PHLDB2: variants seen among roughly 807,000 people sequenced by gnomAD.
PHLDB2 encodes pleckstrin homology like domain family B member 2, also known as pleckstrin homology-like domain family B member 2.
Under a neutral mutation model 123.6 loss-of-function variants are expected in PHLDB2, and 71 were observed. That is an observed-to-expected ratio of 0.57 (90% confidence interval 0.47 to 0.70). The LOEUF is 0.70. Among genes scored for constraint, PHLDB2 ranks in the 30% least tolerant of loss-of-function variants. The pLI, the probability that PHLDB2 is intolerant of heterozygous loss-of-function variation, is 0.00. For synonymous variants in PHLDB2, 547 were observed against 541.6 expected (o/e 1.01, Z -0.14); for missense variants, 1,446 against 1,519.5 (o/e 0.95, Z 0.80).
chr3:111,850,962 G>A (rs113753105), intron 2 of PHLDB2, among the ~76,000 whole-genome samples: 5,963 of 151,964 alleles, frequency 0.039, 340 homozygotes, highest in East Asian at 0.23. Flanking sequence ...TTGGGAGGCC[G>A]AGTCAGGCAG....
In PHLDB2 at chr3:111,965,100, A is replaced by G. The variant is rs188155828; in HGVS notation, c.3078-1513A>G. On this transcript the variant is annotated intron_variant, in intron 13 of 17. Transcript: ENST00000431670. Reference sequence around the variant, plus strand: ...AGTCAGGTATTCACAATGAAGGAGAATAAGAATTCCTGTACAAAAATTAAA... The same window carrying G: ...AGTCAGGTATTCACAATGAAGGAGAGTAAGAATTCCTGTACAAAAATTAAA... Among the ~76,000 whole-genome samples, 621 of 152,302 alleles carry G rather than the reference A, an allele frequency of 4.1e-3. 11 individuals carry two copies. Among genetic ancestry groups the G allele is most frequent in the Non-Finnish European group, 7.1e-3 (480 of 68,012 alleles).
chr3:111,921,327 A>C (rs2107532283), intron 5 of PHLDB2, among the ~76,000 whole-genome samples: 1 of 152,300 alleles, frequency 6.6e-6, no homozygotes, highest in African/African-American at 2.4e-5. Context: ...TTCTCCACTA[A>C]GCTGAGAAAA....
chr3:111,763,297 A>G (rs2060026057), intron 1 of PHLDB2, among the ~76,000 whole-genome samples: 1 of 152,226 alleles, frequency 6.6e-6, no homozygotes, highest in African/African-American at 2.4e-5. Flanking sequence ...TTACTCTAAC[A>G]TAATAGCGAA....
intron 1 of PHLDB2, among the ~76,000 whole-genome samples, chr3:111,834,582 T>C (rs1015519986): frequency 6.6e-5 from 10 of 151,794 alleles, no homozygotes; most frequent in African/African-American, 2.2e-4. Flanking sequence ...CAAACAAGGA[T>C]GCAGTAAATA....
intron 2 of PHLDB2, among the ~76,000 whole-genome samples, chr3:111,912,807 G>T (rs1310401668): frequency 6.6e-6 from 1 of 152,194 alleles, no homozygotes; most frequent in African/African-American, 2.4e-5. Flanking sequence ...GGATAGATAG[G>T]AAATGGAGGT....
At chr3:111,945,975 T>C (rs529787633) in intron 9 of PHLDB2, among the ~76,000 whole-genome samples, 23 of 152,134 alleles carry the variant, frequency 1.5e-4, no homozygotes, top group African/African-American at 5.5e-4. Context: ...ACTGCCACAC[T>C]GGGAGAATAT....
intron 1 of PHLDB2, among the ~76,000 whole-genome samples, chr3:111,797,302 A>C (rs1266357768): frequency 6.6e-6 from 1 of 152,246 alleles, no homozygotes; most frequent in African/African-American, 2.4e-5. Context: ...TAACAAATGA[A>C]AAAGAAAGAT....
chr3:111,857,978 C>A (rs561892371), upstream of PHLDB2, among the ~76,000 whole-genome samples: 9 of 152,312 alleles, frequency 5.9e-5, no homozygotes, highest in South Asian at 1.2e-3. Flanking sequence ...AATTATAAAT[C>A]ATTCTACTAT....
At chr3:111,879,682 A>G (rs1049191251) in intron 1 of PHLDB2, among the ~76,000 whole-genome samples, 1 of 151,832 alleles carries the variant, frequency 6.6e-6, no homozygotes, top group African/African-American at 2.4e-5. Flanking sequence ...TTATTTCTCT[A>G]AAAATGTTTT....
intron 5 of PHLDB2, among the ~76,000 whole-genome samples, chr3:111,922,868 CG>C (rs1205077289): frequency 6.6e-6 from 1 of 152,098 alleles, no homozygotes; most frequent in African/African-American, 2.4e-5. Flanking sequence ...ACAATGAAGG[CG>C]GGGTTCCCTC....
At chr3:111,909,658 G>A (rs1282952) in intron 2 of PHLDB2, among the ~76,000 whole-genome samples, 3,412 of 151,938 alleles carry the variant, frequency 0.022, 127 homozygotes, top group African/African-American at 0.077. Context: ...TCCCCAGCAC[G>A]TTACTAGACA....
At chr3:111,881,268 C>A (rs2065912206) in intron 1 of PHLDB2, among the ~76,000 whole-genome samples, 1 of 152,148 alleles carries the variant, frequency 6.6e-6, no homozygotes, top group Admixed American at 6.6e-5. Context: ...ACATATCAGA[C>A]AATTCAATTT....
intron 2 of PHLDB2, among the ~76,000 whole-genome samples, chr3:111,899,736 A>G (rs527628323): frequency 2.0e-5 from 3 of 152,166 alleles, no homozygotes; most frequent in Non-Finnish European, 4.4e-5. Context: ...CTAGCTTTGT[A>G]AGTCCTAGAT....
rs550128530 is a variant in PHLDB2 at position 111,883,977 on chromosome 3, G to T, written c.-14-87G>T. On this transcript the variant is annotated intron_variant, in intron 1 of 17. Transcript: ENST00000431670. Reference sequence around the variant, plus strand: ...TTAGTTGCATTAGGTCAGACTGCAAGATTGTTTGTTCAGATGTAGGCCTAA... The same window carrying T: ...TTAGTTGCATTAGGTCAGACTGCAATATTGTTTGTTCAGATGTAGGCCTAA... The T allele has an allele frequency of 1.6e-5, 21 of 1,293,916 alleles. No individual in the cohort carries two copies. In the African/African-American group the frequency reaches 2.8e-4, roughly 17 times the overall value. The allele number at this position is 1,293,916 out of a possible 1,614,324, so 80.2% of individuals were successfully genotyped here. A position where few individuals can be genotyped will look rare whatever the true frequency, so the allele number is the denominator to read the frequency against.
intron 1 of PHLDB2, among the ~76,000 whole-genome samples, chr3:111,736,755 T>C (rs56028731): frequency 0.39 from 59,142 of 152,102 alleles, 13,479 homozygotes; most frequent in Middle Eastern, 0.55. Context: ...AATGCTGTTA[T>C]TCTAATTAGA....
chr3:111,889,499 T>G (rs1351646263), intron 2 of PHLDB2, among the ~76,000 whole-genome samples: 1 of 151,994 alleles, frequency 6.6e-6, no homozygotes, highest in Non-Finnish European at 1.5e-5. Flanking sequence ...TCCAGGAATT[T>G]GAGACCAGCC....
At chr3:111,808,982 C>A (rs1341571920) in intron 1 of PHLDB2, among the ~76,000 whole-genome samples, 1 of 152,104 alleles carries the variant, frequency 6.6e-6, no homozygotes, top group Non-Finnish European at 1.5e-5. Context: ...TAAATAATAT[C>A]TTGGTCTTTG....
At chr3:111,756,293 C>T (rs1330815312) in intron 1 of PHLDB2, among the ~76,000 whole-genome samples, 3 of 151,600 alleles carry the variant, frequency 2.0e-5, no homozygotes, top group African/African-American at 7.3e-5. Context: ...GAGTCTAAGT[C>T]TCTTTGTAGG....
chr3:111,756,725 T>G (rs1329342859), intron 1 of PHLDB2, among the ~76,000 whole-genome samples: 1 of 152,240 alleles, frequency 6.6e-6, no homozygotes, highest in Non-Finnish European at 1.5e-5. Context: ...CGTTAGTGGA[T>G]GCAGTTTCTT....
Sources: gnomAD v4.1 joint callset for allele counts (sites outside exome capture counted in the v4.1 genomes callset) on GRCh38, gnomAD v4.1.1 for gene constraint, MANE v1.5 for transcripts, NCBI Gene and HGNC (gene_info 2026-07-23, HGNC 2026-07-21) for gene names.